Variants in BRCA1 observed in about 807,000 individuals in gnomAD.
The protein encoded by BRCA1 is BRCA1 DNA repair associated, also known as breast cancer type 1 susceptibility protein.
In BRCA1, 140 loss-of-function variants were observed where a neutral mutation model predicts 173.7. That is an observed-to-expected ratio of 0.81 (90% CI 0.70 to 0.93). The LOEUF is 0.93. Ranked by LOEUF, BRCA1 falls within the 40% of genes least tolerant of loss-of-function variation. The pLI is 0.00. For missense variants in BRCA1, 1,983 were observed against 2,172.5 expected (o/e 0.91, Z 1.73); for synonymous variants, 662 against 756.0 (o/e 0.88, Z 2.04).
At chr17:43,062,691 G>A (rs534180964) in intron 18 of BRCA1, among the ~76,000 whole-genome samples, 52 of 151,896 alleles carry the variant, frequency 3.4e-4, no homozygotes, top group Non-Finnish European at 6.8e-4. Flanking sequence ...TCCACCTCCC[G>A]GGTTCAAGAG....
intron 1 of BRCA1, among the ~76,000 whole-genome samples, chr17:43,135,440 C>T (rs1291005241): frequency 1.3e-5 from 2 of 152,222 alleles, no homozygotes; most frequent in African/African-American, 4.8e-5. Flanking sequence ...GGCTATAGGG[C>T]CAGTGGCTGC....
intron 14 of BRCA1, among the ~76,000 whole-genome samples, chr17:43,073,849 G>A (rs1413360120): frequency 1.3e-5 from 2 of 151,920 alleles, no homozygotes; most frequent in Non-Finnish European, 2.9e-5. Context: ...CCGCCTCCCG[G>A]GTTCAAGTGA....
At chr17:43,120,729 C>T (rs1033084786) in intron 2 of BRCA1, among the ~76,000 whole-genome samples, 2 of 151,998 alleles carry the variant, frequency 1.3e-5, no homozygotes, top group Admixed American at 1.3e-4. Flanking sequence ...GGCGCCACTG[C>T]ACTCCGGCCT....
At chr17:43,115,698 TG>T in intron 3 of BRCA1, 27 bp downstream of exon 3, 2 of 1,606,944 alleles carry the variant, frequency 1.2e-6, no homozygotes, top group Non-Finnish European at 1.7e-6. Context: ...AAGCTAATAA[TG>T]GAGCCACATA....
chr17:43,100,681 ATAT>A (rs1567807790), intron 6 of BRCA1, among the ~76,000 whole-genome samples: 5 of 11,442 alleles, frequency 4.4e-4, no homozygotes, highest in African/African-American at 2.8e-3. Context: ...TATATATAAT[ATAT>A]ATATATATAT....
chr17:43,163,487 T>A (rs776787861), intron 1 of BRCA1: 4 of 152,252 alleles, frequency 2.6e-5, no homozygotes, highest in Non-Finnish European at 4.4e-5. Context: ...GCTATTTGAT[T>A]TCAAGCTTTA....
Position 43,045,422 on chromosome 17 carries a change from G to C in BRCA1, c.*256C>G. 1 of 676,536 alleles carries C rather than the reference G, an allele frequency of 1.5e-6. No individual in the cohort carries two copies. The highest frequency in any genetic ancestry group is 2.7e-6 in the Non-Finnish European group (1 of 371,284). The allele number at this position is 676,536 out of a possible 1,614,324, so 41.9% of individuals were successfully genotyped here. A position where few individuals can be genotyped will look rare whatever the true frequency, so the allele number is the denominator to read the frequency against. On this transcript the variant is annotated 3_prime_UTR_variant, in exon 23 of 23. Coordinates refer to ENST00000357654, the MANE Select transcript of BRCA1 (RefSeq NM_007294.4). Reference sequence around the variant, plus strand: ...CTTGCTCAATTGGTGGCGTTTAAATGGTTTTAAAATCTTCTCAGGTGAAAA... The same window carrying C: ...CTTGCTCAATTGGTGGCGTTTAAATCGTTTTAAAATCTTCTCAGGTGAAAA...
chr17:43,149,108 T>TTCC (rs1301779039), intron 1 of BRCA1, among the ~76,000 whole-genome samples: 1 of 151,418 alleles, frequency 6.6e-6, no homozygotes, highest in Non-Finnish European at 1.5e-5. Context: ...TTTACTTTTT[T>TTCC]TCCCCCCCGA....
At chr17:43,106,792 CTT>C (rs1458919697) in intron 3 of BRCA1, among the ~76,000 whole-genome samples, 2 of 152,242 alleles carry the variant, frequency 1.3e-5, no homozygotes, top group East Asian at 3.9e-4. Context: ...TCACATAAAA[CTT>C]AATAAAAGTT....
At chr17:43,145,836 C>T (rs948295873) in intron 1 of BRCA1, among the ~76,000 whole-genome samples, 22 of 152,030 alleles carry the variant, frequency 1.4e-4, no homozygotes, top group Admixed American at 4.6e-4. Flanking sequence ...TTGACAGTCT[C>T]GGGTGTCAGC....
chr17:43,048,350 G>A (rs1202020490), intron 21 of BRCA1, among the ~76,000 whole-genome samples: 2 of 152,070 alleles, frequency 1.3e-5, no homozygotes, highest in Admixed American at 6.5e-5. Context: ...CTACAGGCGT[G>A]CGCCCCTACG....
intron 11 of BRCA1, among the ~76,000 whole-genome samples, chr17:43,087,768 C>A (rs2053286357): frequency 1.3e-5 from 2 of 152,016 alleles, no homozygotes; most frequent in African/African-American, 4.8e-5. Context: ...AGGGTCTCAC[C>A]ATATCACCCA....
chr17:43,105,777 T>C (rs1489669851), intron 4 of BRCA1, among the ~76,000 whole-genome samples: 1 of 152,174 alleles, frequency 6.6e-6, no homozygotes, highest in African/African-American at 2.4e-5. Flanking sequence ...ACAAAATTAC[T>C]ACTCTCATAG....
At chr17:43,077,497 G>T (rs1307403262) in intron 12 of BRCA1, among the ~76,000 whole-genome samples, 1 of 151,620 alleles carries the variant, frequency 6.6e-6, no homozygotes, top group Admixed American at 6.6e-5. Flanking sequence ...CGCCCAGCTA[G>T]TTTTTTTGGT....
chr17:43,112,510 G>A (rs1411175352), intron 3 of BRCA1: 1 of 152,156 alleles, frequency 6.6e-6, no homozygotes, highest in African/African-American at 2.4e-5. Context: ...TACTTGAGGG[G>A]CTGAGATGAG....
At chr17:43,157,935 G>A (rs1467988815) in intron 1 of BRCA1, among the ~76,000 whole-genome samples, 1 of 150,610 alleles carries the variant, frequency 6.6e-6, no homozygotes, top group Admixed American at 6.6e-5. Context: ...GGTGGAGGTT[G>A]TGGTGAGCCG....
At chr17:43,117,175 C>T (rs774888483) in intron 2 of BRCA1, among the ~76,000 whole-genome samples, 2 of 152,188 alleles carry the variant, frequency 1.3e-5, no homozygotes, top group African/African-American at 2.4e-5. Flanking sequence ...GGCATGGTGC[C>T]TCATGCCTGT....
At chr17:43,078,033 C>A (rs1346683478) in intron 12 of BRCA1, among the ~76,000 whole-genome samples, 2 of 151,740 alleles carry the variant, frequency 1.3e-5, no homozygotes, top group African/African-American at 4.8e-5. Context: ...CTGCGCCCGA[C>A]CGTTATTTTT....
At chr17:43,079,529 A>G in intron 12 of BRCA1, 1 of 1,038,088 alleles carries the variant, frequency 9.6e-7, no homozygotes, top group Non-Finnish European at 1.5e-6. Context: ...GCATCGCTGT[A>G]AACAAGTTAA....
Sources: gnomAD v4.1 joint callset for allele counts (sites outside exome capture counted in the v4.1 genomes callset) on GRCh38, gnomAD v4.1.1 for gene constraint, MANE v1.5 for transcripts, NCBI Gene and HGNC (gene_info 2026-07-23, HGNC 2026-07-21) for gene names.